The following LMBR1L variants were observed in gnomAD, a reference collection of about 807,000 sequenced individuals.
LMBR1L encodes the protein protein LMBR1L.
Under a neutral mutation model 67.3 loss-of-function variants are expected in LMBR1L, and 47 were observed. The observed-to-expected ratio is 0.70, with a 90% CI of 0.55 to 0.89. The LOEUF (loss-of-function observed/expected upper bound fraction) is 0.89. Among genes scored for constraint, LMBR1L ranks in the 40% least tolerant of loss-of-function variants. The probability of loss-of-function intolerance (pLI) is 0.00; values close to 1 mark genes in which losing one functional copy is unlikely to be tolerated. For missense variants in LMBR1L, 533 were observed against 599.2 expected (o/e 0.89, Z 1.15); for synonymous variants, 247 against 250.3 (o/e 0.99, Z 0.13).
intron 13 of LMBR1L, 196 bp from the exon 14 acceptor site, chr12:49,100,842 G>A (rs1024295309): frequency 1.0e-5 from 6 of 594,482 alleles, no homozygotes; most frequent in South Asian, 4.3e-5. Context: ...ATCTTCCCAC[G>A]TCAGCCTCCC....
chr12:49,107,253 G>A (rs919634541), intron 1 of LMBR1L, among the ~76,000 whole-genome samples: 1 of 152,208 alleles, frequency 6.6e-6, no homozygotes, highest in Non-Finnish European at 1.5e-5. Flanking sequence ...GGGCCAGACA[G>A]GGGCTGCCCC....
At chr12:49,103,955 C>T in intron 5 of LMBR1L, 142 bp from the exon 6 acceptor site, 2 of 864,312 alleles carry the variant, frequency 2.3e-6, no homozygotes, top group African/African-American at 1.7e-5. Context: ...TGCTAAGTTG[C>T]TCTGTCTTCC....
chr12:49,097,954 G>C lies in LMBR1L; in HGVS notation c.1392C>G (p.Ile464Met). 5 of 1,612,510 alleles carry C rather than the reference G, an allele frequency of 3.1e-6. No homozygotes were observed. Among genetic ancestry groups the C allele is most frequent in the Non-Finnish European group, 4.2e-6 (5 of 1,178,726 alleles). Residue 464 changes from isoleucine (I) to methionine (M), a missense_variant, in exon 16 of 17, where the codon ATC becomes ATG. By Grantham distance (10) the Ile-to-Met change is conservative. Transcript: ENST00000267102. ...CTCACTCCCTCTCACCAAAGGCCCG[G>C]ATCAGCTCTGCCCGCACAGCTGCAG... ...TFTAAVRAELIRAFGLDRLPL... is the reference protein window; with the variant it reads ...TFTAAVRAELMRAFGLDRLPL...
At chr12:49,108,776 A>G (rs1380728140) in intron 1 of LMBR1L, among the ~76,000 whole-genome samples, 1 of 152,108 alleles carries the variant, frequency 6.6e-6, no homozygotes, top group Non-Finnish European at 1.5e-5. Context: ...GAGAGTCTCA[A>G]GAAGAGAAGT....
At chr12:49,101,633 A>G in intron 11 of LMBR1L, 84 bp from the exon 12 acceptor site, 3 of 972,974 alleles carry the variant, frequency 3.1e-6, no homozygotes, top group Non-Finnish European at 4.7e-6. Flanking sequence ...CTCTGGTCCA[A>G]CATTTTCAGT....
intron 1 of LMBR1L, chr12:49,110,169 A>G (rs903660245): frequency 1.6e-5 from 9 of 558,136 alleles, no homozygotes; most frequent in African/African-American, 9.7e-5. Flanking sequence ...AGACTAAGGC[A>G]GACTCCGCAG....
intron 1 of LMBR1L, 61 bp from the exon 2 acceptor site, chr12:49,107,106 A>G: frequency 2.7e-6 from 3 of 1,117,086 alleles, no homozygotes; most frequent in Non-Finnish European, 1.4e-6. Context: ...CACAGCCCCA[A>G]GGGCCTCTCT....
At chr12:49,100,038 G>A (rs1002769063) in intron 15 of LMBR1L, among the ~76,000 whole-genome samples, 3 of 152,232 alleles carry the variant, frequency 2.0e-5, no homozygotes, top group Non-Finnish European at 2.9e-5. Flanking sequence ...CAAGCCAGCT[G>A]TATAATCTGG....
At chr12:49,100,928 C>CAAGTATGTTTTTGGAGG in intron 13 of LMBR1L, 1 of 543,522 alleles carries the variant, frequency 1.8e-6, no homozygotes, top group East Asian at 3.5e-5. Flanking sequence ...CGGGTTTCAC[C>CAAGTATGTTTTTGGAGG]ATGTTGCTCA....
intron 1 of LMBR1L, among the ~76,000 whole-genome samples, chr12:49,107,539 A>C (rs1351153581): frequency 6.6e-6 from 1 of 152,110 alleles, no homozygotes; most frequent in Non-Finnish European, 1.5e-5. Context: ...CCTTGACCCA[A>C]AGAAGGTGTC....
rs748898853 is a variant in LMBR1L at position 49,107,028 on chromosome 12, A to G, written c.90T>C (p.Phe30=). 4 of 1,613,330 alleles carry G rather than the reference A, an allele frequency of 2.5e-6. No individual in the cohort carries two copies. The highest frequency in any genetic ancestry group is 3.4e-6 in the Non-Finnish European group (4 of 1,179,182). ...IRECIISTLL[F]ATLYILCHIF... ...TGTGGCAGAGGATGTACAGTGTTGCAAACAGAAGTGTTGATATCTGTAGCA... is the reference window on the plus strand; with the variant it reads ...TGTGGCAGAGGATGTACAGTGTTGCGAACAGAAGTGTTGATATCTGTAGCA... Residue 30 remains phenylalanine, a synonymous_variant, in exon 2 of 17, where the codon TTT becomes TTC. Coordinates refer to ENST00000267102, the MANE Select transcript of LMBR1L (RefSeq NM_018113.4).
At chr12:49,110,360 G>C in intron 1 of LMBR1L, 124 bp downstream of exon 1, 1 of 870,966 alleles carries the variant, frequency 1.1e-6, no homozygotes, top group Non-Finnish European at 1.9e-6. Flanking sequence ...CCCGGACGGA[G>C]GCCTCCGTCG....
intron 5 of LMBR1L, chr12:49,104,133 G>GA (rs2120989599): frequency 4.2e-6 from 2 of 473,218 alleles, no homozygotes; most frequent in Non-Finnish European, 7.5e-6. Context: ...ATGGAAGGTA[G>GA]AAAAAAGGTG....
At chr12:49,106,383 T>G (rs1319087971) in intron 2 of LMBR1L, 4 of 375,488 alleles carry the variant, frequency 1.1e-5, no homozygotes, top group Non-Finnish European at 1.5e-5. Flanking sequence ...GGTAGCTGCC[T>G]TGTTGAGGGG....
chr12:49,108,763 C>T (rs939386792), intron 1 of LMBR1L, among the ~76,000 whole-genome samples: 1 of 151,812 alleles, frequency 6.6e-6, no homozygotes, highest in South Asian at 2.1e-4. Flanking sequence ...AAAAAAAACA[C>T]CAGAGAGTCT....
chr12:49,098,285 C>T (rs1243817124), intron 15 of LMBR1L, among the ~76,000 whole-genome samples, 180 bp from the exon 16 acceptor site: 1 of 152,214 alleles, frequency 6.6e-6, no homozygotes, highest in Non-Finnish European at 1.5e-5. Flanking sequence ...GTGCCAGCAG[C>T]TAGGCTTGCT....
At chr12:49,103,902 G>A in intron 5 of LMBR1L, 89 bp from the exon 6 acceptor site, 2 of 1,418,212 alleles carry the variant, frequency 1.4e-6, no homozygotes, top group African/African-American at 1.4e-5. Flanking sequence ...GAACCAGAAA[G>A]GTTTGGATTC....
Position 49,100,440 on chromosome 12 carries a change from A to G in LMBR1L, c.1188T>C (p.Cys396=). Residue 396 remains cysteine (C), a synonymous_variant, in exon 15 of 17, where the codon TGT becomes TGC. Coordinates refer to ENST00000267102, the MANE Select transcript of LMBR1L (RefSeq NM_018113.4). ...CTGAGCTTAGGACCAGGAGACAGACACAGTTCCCAATTATCTGGGTGGAAG... is the reference window on the plus strand; with the variant it reads ...CTGAGCTTAGGACCAGGAGACAGACGCAGTTCCCAATTATCTGGGTGGAAG... ...DTAMTQIIGN[C]VCLLVLSSAL... The G allele has an allele frequency of 6.2e-7, 1 of 1,613,866 alleles. No individual in the cohort carries two copies. Among genetic ancestry groups the G allele is most frequent in the Non-Finnish European group, 8.5e-7 (1 of 1,179,736 alleles).
intron 1 of LMBR1L, among the ~76,000 whole-genome samples, chr12:49,109,572 C>T (rs1430536880): frequency 2.0e-5 from 3 of 152,214 alleles, no homozygotes; most frequent in Non-Finnish European, 2.9e-5. Flanking sequence ...ACATTTCTTT[C>T]TGTTTTTCCA....
Sources: allele counts gnomAD v4.1 joint callset (sites outside exome capture counted in the v4.1 genomes callset), GRCh38; gene constraint gnomAD v4.1.1; transcripts MANE v1.5; gene names NCBI Gene and HGNC (gene_info 2026-07-23, HGNC 2026-07-21).